The following PASD1 variants were observed in gnomAD, a reference collection of about 807,000 sequenced individuals.
The protein encoded by PASD1 is PAS domain containing repressor 1, also known as circadian clock protein PASD1.
A neutral mutation model predicts 58.8 loss-of-function variants in PASD1; 13 were observed. That is an observed-to-expected ratio of 0.22 (90% CI 0.14 to 0.35). The LOEUF (loss-of-function observed/expected upper bound fraction) is 0.35, where lower values mean the gene tolerates loss of function less well. Ranked by LOEUF, PASD1 falls within the 10% of genes least tolerant of loss-of-function variation. The pLI is 1.00. For missense variants in PASD1, 734 were observed against 568.3 expected (o/e 1.29, Z -2.96); for synonymous variants, 236 against 216.7 (o/e 1.09, Z -0.78).
intron 1 of PASD1, among the ~76,000 whole-genome samples, chrX:151,577,629 A>G (rs1428020327): frequency 9.0e-6 from 1 of 111,615 alleles, no homozygotes; most frequent in African/African-American, 3.3e-5. Context: ...GGTTCAAGTG[A>G]TTCTCCTGCC....
At chrX:151,615,495 C>T (rs1405267061) in intron 4 of PASD1, among the ~76,000 whole-genome samples, 5 of 112,072 alleles carry the variant, frequency 4.5e-5, no homozygotes, top group Non-Finnish European at 9.4e-5. Flanking sequence ...AGGTTAAAAA[C>T]GACTACACCT....
At chrX:151,586,522 C>T (rs928124182) in intron 1 of PASD1, among the ~76,000 whole-genome samples, 1 of 111,539 alleles carries the variant, frequency 9.0e-6, no homozygotes, top group Non-Finnish European at 1.9e-5. Context: ...CAGCACCTAT[C>T]GAACAGGGCT....
intron 8 of PASD1, among the ~76,000 whole-genome samples, chrX:151,628,368 G>C (rs1241781984): frequency 8.9e-6 from 1 of 111,894 alleles, no homozygotes; most frequent in African/African-American, 3.2e-5. Flanking sequence ...AATCCATCTG[G>C]AATTAATTTT....
chrX:151,648,852 T>C (rs1219029378), intron 9 of PASD1, 150 bp downstream of exon 9: 12 of 621,561 alleles, frequency 1.9e-5, no homozygotes, highest in Non-Finnish European at 2.9e-5. Flanking sequence ...ACATTTCTTA[T>C]TAGGAGCCAG....
intron 3 of PASD1, among the ~76,000 whole-genome samples, chrX:151,606,341 C>T (rs2013488987): frequency 9.0e-6 from 1 of 111,594 alleles, no homozygotes; most frequent in Non-Finnish European, 1.9e-5. Context: ...ACAGCTTTGG[C>T]CATTCTTTTG....
chrX:151,628,240 T>C (rs1228096183), intron 8 of PASD1, among the ~76,000 whole-genome samples: 16 of 111,924 alleles, frequency 1.4e-4, no homozygotes, highest in African/African-American at 4.5e-4. Context: ...TTGGCTTTTG[T>C]TGCCATTGCT....
At chrX:151,615,231 T>G (rs925470627) in intron 4 of PASD1, among the ~76,000 whole-genome samples, 44 of 96,893 alleles carry the variant, frequency 4.5e-4, no homozygotes, top group Non-Finnish European at 1.2e-4. Context: ...ATGATCTTGC[T>G]TCTTTATGTA....
At chrX:151,635,596 C>T (rs1245343227) in intron 8 of PASD1, among the ~76,000 whole-genome samples, 1 of 112,247 alleles carries the variant, frequency 8.9e-6, no homozygotes, top group Non-Finnish European at 1.9e-5. Context: ...TACTTACTTG[C>T]TCAAATATCA....
intron 4 of PASD1, among the ~76,000 whole-genome samples, chrX:151,613,759 T>C (rs140964034): frequency 0.053 from 5,907 of 111,729 alleles, 130 homozygotes; most frequent in African/African-American, 0.058. Context: ...GAAGATGTTT[T>C]CAATGTTGTC....
intron 1 of PASD1, among the ~76,000 whole-genome samples, chrX:151,583,234 C>T (rs1388027213): frequency 8.9e-6 from 1 of 111,917 alleles, no homozygotes; most frequent in African/African-American, 3.3e-5. Flanking sequence ...TATTTGGAAC[C>T]CATTTTCCTC....
chrX:151,604,972 G>C (rs1027133286), intron 3 of PASD1, among the ~76,000 whole-genome samples: 3 of 112,055 alleles, frequency 2.7e-5, no homozygotes, highest in Admixed American at 1.9e-4. Context: ...CACTGATTTT[G>C]AGTGACAACA....
intron 3 of PASD1, among the ~76,000 whole-genome samples, chrX:151,610,001 A>G (rs1368440797): frequency 9.0e-6 from 1 of 111,090 alleles, no homozygotes; most frequent in Non-Finnish European, 1.9e-5. Flanking sequence ...ATCATAGCCC[A>G]TCCTAATGGG....
intron 9 of PASD1, among the ~76,000 whole-genome samples, chrX:151,658,931 A>T (rs2014278627): frequency 8.9e-6 from 1 of 112,228 alleles, no homozygotes; most frequent in Admixed American, 9.5e-5. Context: ...CAATAGAAAT[A>T]TTATGTATGT....
intron 1 of PASD1, among the ~76,000 whole-genome samples, chrX:151,571,169 T>A (rs1343127591): frequency 8.9e-6 from 1 of 112,233 alleles, no homozygotes; most frequent in Non-Finnish European, 1.9e-5. Flanking sequence ...ATTGGCAAAC[T>A]TGCACTTAAG....
intron 1 of PASD1, among the ~76,000 whole-genome samples, chrX:151,570,741 G>C (rs1462483734): frequency 8.9e-6 from 1 of 112,198 alleles, no homozygotes; most frequent in Non-Finnish European, 1.9e-5. Flanking sequence ...GCACCTTTTC[G>C]GTCTGAGGCT....
At position 151,655,844 on chromosome X, in the gene PASD1, A is replaced by C. The variant is rs758521893; in HGVS notation, c.718-3869A>C. Among the ~76,000 whole-genome samples the C allele has an allele frequency of 2.1e-3, 238 of 111,739 alleles. 1 individual carries two copies. The highest frequency in any genetic ancestry group is 7.2e-3 in the African/African-American group (222 of 30,729). The stretch of plus-strand genomic sequence containing the variant: ...ACGGTAGTTTCTTTTGCTGTGCAGA[A>C]GCTCTTTAGTTGAATTAGATCCCAT... On this transcript the variant is annotated intron_variant, in intron 9 of 15. Transcript: ENST00000370357.
chrX:151,612,473 C>A (rs2013577846), intron 4 of PASD1, among the ~76,000 whole-genome samples: 1 of 109,926 alleles, frequency 9.1e-6, no homozygotes, highest in East Asian at 2.9e-4. Context: ...TCCTCTCCAG[C>A]ACCTGTCGTT....
At chrX:151,604,771 T>C in intron 3 of PASD1, 37 bp downstream of exon 3, 1 of 1,009,798 alleles carries the variant, frequency 9.9e-7, no homozygotes, top group Non-Finnish European at 1.4e-6. Flanking sequence ...CTTCATATGT[T>C]GAATACATGT....
At chrX:151,667,141 C>G (rs1438205709) in intron 11 of PASD1, among the ~76,000 whole-genome samples, 9 of 111,851 alleles carry the variant, frequency 8.0e-5, no homozygotes, top group South Asian at 3.7e-4. Context: ...GCCAGTGATG[C>G]TGAGCATTTT....
Sources: allele counts gnomAD v4.1 joint callset (sites outside exome capture counted in the v4.1 genomes callset), GRCh38; gene constraint gnomAD v4.1.1; transcripts MANE v1.5; gene names NCBI Gene and HGNC (gene_info 2026-07-23, HGNC 2026-07-21).